The following RIIAD1 variants were observed in gnomAD, a reference collection of about 807,000 sequenced individuals.
The protein encoded by RIIAD1 is regulatory subunit of type II PKA R-subunit domain containing 1, also known as RIIa domain-containing protein 1.
In RIIAD1, 15 loss-of-function variants were observed where a neutral mutation model predicts 13.3. The observed-to-expected ratio is 1.13, with a 90% CI of 0.76 to 1.74. The LOEUF is 1.74. Ranked by LOEUF, RIIAD1 falls within the 40% of genes most tolerant of loss-of-function variation. The pLI is 0.00. For synonymous variants in RIIAD1, 50 were observed against 43.3 expected, an observed-to-expected ratio of 1.16 and a Z score of -0.61; for missense variants, 121 against 112.2, an observed-to-expected ratio of 1.08 and a Z score of -0.35.
rs1673741614 is a variant in RIIAD1 at position 151,721,792 on chromosome 1, G to C, written c.84+172G>C. 5.3e-6 allele frequency: 3 copies of C among 567,296 alleles called. No homozygotes were observed. The South Asian group carries it at 7.7e-5, about 14-fold the overall frequency. The allele number at this position is 567,296 out of a possible 1,614,324, so 35.1% of individuals were successfully genotyped here. A position where few individuals can be genotyped will look rare whatever the true frequency, so the allele number is the denominator to read the frequency against. Reference sequence around the variant, plus strand: ...GCGGACCTCTAGGCGTCTGATCCCAGCACAGAGCGCGACGGGCATCTGAGA... The same window carrying C: ...GCGGACCTCTAGGCGTCTGATCCCACCACAGAGCGCGACGGGCATCTGAGA... On this transcript the variant is annotated intron_variant, in intron 1 of 4. Coordinates refer to ENST00000479191, the MANE Select transcript of RIIAD1 (RefSeq NM_001144956.3).
intron 4 of RIIAD1, among the ~76,000 whole-genome samples, chr1:151,715,451 C>T (rs1337185066): frequency 6.6e-6 from 1 of 152,128 alleles, no homozygotes; most frequent in Non-Finnish European, 1.5e-5. Flanking sequence ...ACATTGAACA[C>T]CTGACCCTGT....
At chr1:151,723,699 C>T (rs1673780257) in intron 2 of RIIAD1, among the ~76,000 whole-genome samples, 1 of 152,186 alleles carries the variant, frequency 6.6e-6, no homozygotes, top group South Asian at 2.1e-4. Context: ...GATTCTATCT[C>T]ATGAAATAAA....
chr1:151,729,744 C>T lies in RIIAD1; in HGVS notation c.*314C>T, dbSNP rs946675407. ...GCCTCTTGCTGGGTCAGTGGGCTGT[C>T]GTGCCCACCCCCTGGGAAGAACACA... On this transcript the variant is annotated 3_prime_UTR_variant, in exon 5 of 5. Transcript: ENST00000479191. 3 of 152,206 alleles carry T rather than the reference C, an allele frequency of 2.0e-5. No individual in the cohort carries two copies. The highest frequency in any genetic ancestry group is 4.4e-5 in the Non-Finnish European group (3 of 68,042). The allele number at this position is 152,206 out of a possible 1,614,324, so 9.4% of individuals were successfully genotyped here.
In RIIAD1 at chr1:151,729,503, T is replaced by C. The variant is rs544852015; in HGVS notation, c.*73T>C. ...TGTTTTGCAGGGTCATCTGGAGGCA[T>C]GAGAGCCCTACTGCCATCAGTGTGG... On this transcript the variant is annotated 3_prime_UTR_variant, in exon 5 of 5. Coordinates refer to ENST00000479191, the MANE Select transcript of RIIAD1 (RefSeq NM_001144956.3). 6.6e-6 allele frequency: 1 copy of C among 152,430 alleles called. No homozygotes were observed. The highest frequency in any genetic ancestry group is 2.1e-4 in the South Asian group (1 of 4,828). The allele number at this position is 152,430 out of a possible 1,614,324, so 9.4% of individuals were successfully genotyped here. A position where few individuals can be genotyped will look rare whatever the true frequency, so the allele number is the denominator to read the frequency against.
chr1:151,716,116 G>T (rs2101492940), intron 4 of RIIAD1: 2 of 1,325,180 alleles, frequency 1.5e-6, no homozygotes, highest in East Asian at 2.4e-5. Flanking sequence ...GGGCCCGGGG[G>T]CCCAGCTGGG....
At chr1:151,727,403 A>C (rs1428227689) in intron 2 of RIIAD1, among the ~76,000 whole-genome samples, 172 bp from the exon 3 acceptor site, 1 of 152,084 alleles carries the variant, frequency 6.6e-6, no homozygotes. Context: ...TTAGATACGG[A>C]GTTGAAGGAA....
At chr1:151,712,927 A>G (rs568718431) in intron 2 of RIIAD1, among the ~76,000 whole-genome samples, 16 of 152,192 alleles carry the variant, frequency 1.1e-4, no homozygotes, top group African/African-American at 3.6e-4. Flanking sequence ...TCATGCATGC[A>G]CACACACACT....
At chr1:151,722,001 C>T in intron 1 of RIIAD1, 85 bp from the exon 2 acceptor site, 2 of 935,750 alleles carry the variant, frequency 2.1e-6, no homozygotes, top group African/African-American at 1.6e-5. Flanking sequence ...AATGCGCACG[C>T]CGTTTCCCGC....
chr1:151,729,792 C>G lies in RIIAD1; in HGVS notation c.*362C>G, dbSNP rs1190018620. 2 of 152,212 alleles carry G rather than the reference C, an allele frequency of 1.3e-5. No homozygotes were observed. The highest frequency in any genetic ancestry group is 1.5e-5 in the Non-Finnish European group (1 of 68,048). The allele number at this position is 152,212 out of a possible 1,614,324, so 9.4% of individuals were successfully genotyped here. A position where few individuals can be genotyped will look rare whatever the true frequency, so the allele number is the denominator to read the frequency against. ...ACAGCTGATCACGGGGGCACAGAAA[C>G]AAGCAAGTCCATGCTTCAGCTGTGG... On this transcript the variant is annotated 3_prime_UTR_variant, in exon 5 of 5. Transcript: ENST00000479191.
upstream of RIIAD1, among the ~76,000 whole-genome samples, chr1:151,718,637 G>C (rs1212764046): frequency 1.3e-5 from 2 of 152,204 alleles, no homozygotes; most frequent in Admixed American, 1.3e-4. Context: ...ATGTGTATGT[G>C]TGTAGACTTG....
Position 151,728,805 on chromosome 1 carries a change from T to C in RIIAD1, c.248T>C (p.Met83Thr). The change falls in exon 4 of 5, where the codon ATG becomes ACG. Residue 83 changes from methionine (M) to threonine (T), a missense_variant. By Grantham distance (81) the Met-to-Thr change is moderately conservative. Coordinates refer to ENST00000479191, the MANE Select transcript of RIIAD1 (RefSeq NM_001144956.3). Reference protein sequence around the residue: ...TDPRLPNKIHMQLIKDKKAA With the variant: ...TDPRLPNKIHTQLIKDKKAA ...CCAAGACTTCCCAACAAGATTCACATGCAGCTAATTAAAGACAAGAAAGCG... is the reference window on the plus strand; with the variant it reads ...CCAAGACTTCCCAACAAGATTCACACGCAGCTAATTAAAGACAAGAAAGCG... 1 of 1,546,350 alleles carries C rather than the reference T, an allele frequency of 6.5e-7. No individual in the cohort carries two copies. The highest frequency in any genetic ancestry group is 1.2e-5 in the South Asian group (1 of 83,938).
At chr1:151,714,904 G>A (rs147687405) in intron 4 of RIIAD1, among the ~76,000 whole-genome samples, 22 of 152,170 alleles carry the variant, frequency 1.4e-4, no homozygotes, top group Middle Eastern at 6.8e-3. Flanking sequence ...GGACACTTGG[G>A]CTGTCAGGAG....
chr1:151,712,916 C>T (rs1191444581), intron 2 of RIIAD1, among the ~76,000 whole-genome samples: 1 of 151,394 alleles, frequency 6.6e-6, no homozygotes, highest in African/African-American at 2.5e-5. Flanking sequence ...TGCACACACA[C>T]TCATGCATGC....
chr1:151,725,890 A>G (rs1234574466), intron 2 of RIIAD1, among the ~76,000 whole-genome samples: 3 of 151,060 alleles, frequency 2.0e-5, no homozygotes, highest in Non-Finnish European at 4.4e-5. Flanking sequence ...GTTTCCCACT[A>G]CTCCCTGCAT....
intron 4 of RIIAD1, chr1:151,715,850 C>A (rs1673437752): frequency 1.2e-6 from 2 of 1,603,758 alleles, no homozygotes; most frequent in African/African-American, 1.3e-5. Flanking sequence ...CACCCCGAAG[C>A]CTCTTCAGCC....
At chr1:151,725,824 T>C (rs1000065736) in intron 2 of RIIAD1, among the ~76,000 whole-genome samples, 4 of 152,218 alleles carry the variant, frequency 2.6e-5, no homozygotes, top group African/African-American at 9.6e-5. Flanking sequence ...GTCTTTCAGA[T>C]TGAGTATAAA....
At chr1:151,724,066 C>T (rs1673786239) in intron 2 of RIIAD1, among the ~76,000 whole-genome samples, 1 of 152,194 alleles carries the variant, frequency 6.6e-6, no homozygotes, top group Admixed American at 6.5e-5. Flanking sequence ...GATTAGAATG[C>T]TTGGGGTTGA....
At chr1:151,728,364 G>A (rs1359699509) in intron 3 of RIIAD1, 1 of 224,772 alleles carries the variant, frequency 4.4e-6, no homozygotes, top group Admixed American at 5.2e-5. Flanking sequence ...ATAATACTTG[G>A]CATTTATTTG....
chr1:151,727,528 C>A, intron 2 of RIIAD1, 47 bp from the exon 3 acceptor site: 2 of 1,279,662 alleles, frequency 1.6e-6, no homozygotes, highest in Non-Finnish European at 2.2e-6. Flanking sequence ...CCACAGCCTG[C>A]GTTAAAGTCT....
Sources: gnomAD v4.1 joint callset for allele counts (sites outside exome capture counted in the v4.1 genomes callset) on GRCh38, gnomAD v4.1.1 for gene constraint, MANE v1.5 for transcripts, NCBI Gene and HGNC (gene_info 2026-07-23, HGNC 2026-07-21) for gene names.